The following ODF4 variants were observed in gnomAD, a reference collection of about 807,000 sequenced individuals.
ODF4 encodes outer dense fiber of sperm tails 4, also known as outer dense fiber protein 4.
Under a neutral mutation model 17.0 loss-of-function variants are expected in ODF4, and 11 were observed. That is an observed-to-expected ratio of 0.65 (90% CI 0.41 to 1.07). The LOEUF is 1.07. Ranked by LOEUF, ODF4 falls within the 50% of genes least tolerant of loss-of-function variation. The probability of loss-of-function intolerance (pLI) is 0.00; values close to 1 mark genes in which losing one functional copy is unlikely to be tolerated. For synonymous variants in ODF4, 127 were observed against 121.8 expected (o/e 1.04, Z -0.28); for missense variants, 281 against 310.2 (o/e 0.91, Z 0.71).
intron 1 of ODF4, among the ~76,000 whole-genome samples, chr17:8,342,351 T>A (rs1906055999): frequency 6.6e-6 from 1 of 152,162 alleles, no homozygotes; most frequent in Non-Finnish European, 1.5e-5. Context: ...CAAGCGATTA[T>A]CCTGCCTCAG....
chr17:8,345,228 G>A lies in ODF4; in HGVS notation c.455-115G>A, dbSNP rs1906185936. On this transcript the variant is annotated intron_variant, in intron 1 of 2. Transcript: ENST00000328248. This position sits in a 1 kb window ranked among gnomAD's most constrained non-coding sequence, Gnocchi z 4.1. The stretch of plus-strand genomic sequence containing the variant: ...GCAGGGGTTGACTCCTGGAACCTCA[G>A]GGCCAGTCACTCTGTGTGTGGTGAT... 2.0e-6 allele frequency: 2 copies of A among 999,514 alleles called. No homozygotes were observed. The highest frequency in any genetic ancestry group is 3.0e-6 in the Non-Finnish European group (2 of 668,914). 61.9% of individuals were successfully genotyped at this position (999,514 alleles called of 1,614,324 possible). A position where few individuals can be genotyped will look rare whatever the true frequency, so the allele number is the denominator to read the frequency against.
rs371221389 is a variant in ODF4, at chr17:8,345,300, G to A, written c.455-43G>A. 51 of 1,585,282 alleles carry A rather than the reference G, an allele frequency of 3.2e-5. No homozygotes were observed. Among genetic ancestry groups the A allele is most frequent in the Non-Finnish European group, 4.1e-5 (48 of 1,160,416 alleles). On this transcript the variant is annotated intron_variant, in intron 1 of 2. Transcript: ENST00000328248. This position sits in a 1 kb window ranked among gnomAD's most constrained non-coding sequence, Gnocchi z 4.1. ...GCAGATGAGGAAGAACCTCCTGTGGGACTCTTGTATGACAATGAGACCCTC... is the reference window on the plus strand; with the variant it reads ...GCAGATGAGGAAGAACCTCCTGTGGAACTCTTGTATGACAATGAGACCCTC...
At position 8,345,652 on chromosome 17, in the gene ODF4, CCCTGT is replaced by C; in HGVS notation, c.590-12_590-8del. ...CAGTCACAACTTTCCTCTCCCCTGTCCCTGTCCTTTCCCAGCGATCCTTTGCTACT... is the reference window on the plus strand; with the variant it reads ...CAGTCACAACTTTCCTCTCCCCTGTCCCTTTCCCAGCGATCCTTTGCTACT... On this transcript the variant is annotated splice_polypyrimidine_tract_variant and intron_variant, in intron 2 of 2. Transcript: ENST00000328248. The surrounding 1 kb of genome is among the most constrained non-coding windows in gnomAD (Gnocchi z 4.1). 1 of 1,612,132 alleles carries C rather than the reference CCCTGT, an allele frequency of 6.2e-7. No individual in the cohort carries two copies. The highest frequency in any genetic ancestry group is 8.5e-7 in the Non-Finnish European group (1 of 1,178,414).
chr17:8,340,522 C>T lies in ODF4; in HGVS notation c.454+17C>T, dbSNP rs770031670. The T allele has an allele frequency of 1.3e-6, 2 of 1,504,510 alleles. No homozygotes were observed. Among genetic ancestry groups the T allele is most frequent in the Non-Finnish European group, 1.8e-6 (2 of 1,087,990 alleles). 93.2% of individuals were successfully genotyped at this position (1,504,510 alleles called of 1,614,324 possible). A position where few individuals can be genotyped will look rare whatever the true frequency, so the allele number is the denominator to read the frequency against. ...ATGGGAAAGGTGAGCCCCTCCACCC[C>T]CCATCCCAGCCCAGGCCGCCAGCCT... On this transcript the variant is annotated intron_variant, in intron 1 of 2. Transcript: ENST00000328248.
intron 1 of ODF4, among the ~76,000 whole-genome samples, chr17:8,341,033 A>C (rs1905990690): frequency 6.6e-6 from 1 of 152,142 alleles, no homozygotes; most frequent in African/African-American, 2.4e-5. Context: ...TACTAAAAAT[A>C]CAAAAAATTA....
In ODF4 at chr17:8,345,955, T is replaced by C; in HGVS notation, c.*103T>C. 1 of 918,510 alleles carries C rather than the reference T, an allele frequency of 1.1e-6. No homozygotes were observed. Among genetic ancestry groups the C allele is most frequent in the Non-Finnish European group, 1.7e-6 (1 of 595,180 alleles). The allele number at this position is 918,510 out of a possible 1,614,324, so 56.9% of individuals were successfully genotyped here. ...GGTTGGTCCTCATCATTGCAAGGAATGAGAAAGGGAGGATTTTGCACTCCT... is the reference window on the plus strand; with the variant it reads ...GGTTGGTCCTCATCATTGCAAGGAACGAGAAAGGGAGGATTTTGCACTCCT... On this transcript the variant is annotated 3_prime_UTR_variant, in exon 3 of 3. Transcript: ENST00000328248. This position sits in a 1 kb window ranked among gnomAD's most constrained non-coding sequence, Gnocchi z 4.1.
intron 1 of ODF4, among the ~76,000 whole-genome samples, chr17:8,342,920 C>A (rs1906082684): frequency 6.6e-6 from 1 of 151,102 alleles, no homozygotes; most frequent in Admixed American, 6.6e-5. Context: ...TTTGTAGAGA[C>A]CAGGGTCTCC....
chr17:8,345,873 C>A lies in ODF4; in HGVS notation c.*21C>A. 1 of 1,605,708 alleles carries A rather than the reference C, an allele frequency of 6.2e-7. No homozygotes were observed. The highest frequency in any genetic ancestry group is 8.5e-7 in the Non-Finnish European group (1 of 1,173,014). On this transcript the variant is annotated 3_prime_UTR_variant, in exon 3 of 3. Transcript: ENST00000328248. The surrounding 1 kb of genome is among the most constrained non-coding windows in gnomAD (Gnocchi z 4.1). ...TGTAATCTTTTCTGAACTCCTGGCA[C>A]CAAGTTCTGTCCATTCATCTGACCC... is the stretch of plus-strand genomic sequence containing the variant.
Position 8,345,302 on chromosome 17 carries a change from C to T in ODF4, c.455-41C>T. 1 of 1,589,590 alleles carries T rather than the reference C, an allele frequency of 6.3e-7. No individual in the cohort carries two copies. Among genetic ancestry groups the T allele is most frequent in the Non-Finnish European group, 8.6e-7 (1 of 1,163,756 alleles). ...AGATGAGGAAGAACCTCCTGTGGGA[C>T]TCTTGTATGACAATGAGACCCTCTG... is the stretch of plus-strand genomic sequence containing the variant. On this transcript the variant is annotated intron_variant, in intron 1 of 2. Coordinates refer to ENST00000328248, the MANE Select transcript of ODF4 (RefSeq NM_153007.5). The surrounding 1 kb of genome is among the most constrained non-coding windows in gnomAD (Gnocchi z 4.1).
chr17:8,344,875 A>G (rs989947261), intron 1 of ODF4: 1 of 987,734 alleles, frequency 1.0e-6, no homozygotes, highest in Non-Finnish European at 1.2e-6. Context: ...TTCCCCAGGC[A>G]GTTTTAAGCT....
In ODF4 at chr17:8,340,394, C is replaced by T. The variant is rs557908400; in HGVS notation, c.343C>T (p.Arg115Cys). ...LDLSRSLFYQ[R>C]WPVDVSNRIH... ...CCTCTCTAGGAGCCTCTTCTACCAG[C>T]GCTGGCCCGTGGATGTCAGCAACAG... is the stretch of plus-strand genomic sequence containing the variant. The change falls in exon 1 of 3, where the codon CGC (arginine) becomes TGC (cysteine). Residue 115 changes from arginine (R) to cysteine (C), a missense_variant. Transcript: ENST00000328248. 1.8e-5 allele frequency: 29 copies of T among 1,613,394 alleles called. No individual in the cohort carries two copies. The East Asian group carries it at 5.1e-4, about 29-fold the overall frequency.
intron 1 of ODF4, among the ~76,000 whole-genome samples, 177 bp downstream of exon 1, chr17:8,340,682 A>T (rs1905976550): frequency 6.6e-6 from 1 of 152,124 alleles, no homozygotes; most frequent in African/African-American, 2.4e-5. Context: ...AGCCTGGCTA[A>T]ATAGATTTGA....
rs1181412306 is a variant in ODF4, at chr17:8,340,090, A to G, written c.39A>G (p.Ser13=). ...AEYSGNEFPR[S]EGERDQHQRP... ...ACTCTGGGAATGAGTTCCCCAGGTC[A>G]GAAGGAGAAAGAGACCAACATCAGA... The change falls in exon 1 of 3, where the codon TCA becomes TCG. Residue 13 remains serine, a synonymous_variant. Transcript: ENST00000328248. The G allele has an allele frequency of 6.5e-7, 1 of 1,530,610 alleles. No homozygotes were observed. The highest frequency in any genetic ancestry group is 1.4e-5 in the African/African-American group (1 of 72,218). 94.8% of individuals were successfully genotyped at this position (1,530,610 alleles called of 1,614,324 possible). A position where few individuals can be genotyped will look rare whatever the true frequency, so the allele number is the denominator to read the frequency against.
intron 1 of ODF4, among the ~76,000 whole-genome samples, chr17:8,343,318 G>T (rs1906105302): frequency 7.7e-6 from 1 of 129,334 alleles, no homozygotes; most frequent in African/African-American, 3.2e-5. Flanking sequence ...TTTTAGTAGA[G>T]ACGGGGTTTT....
intron 1 of ODF4, among the ~76,000 whole-genome samples, chr17:8,343,026 C>T (rs537513578): frequency 5.3e-5 from 8 of 152,176 alleles, no homozygotes; most frequent in African/African-American, 1.9e-4. Context: ...AGCCATTGTG[C>T]CCAGTCTATC....
In ODF4 at chr17:8,345,482, G is replaced by C; in HGVS notation, c.589+5G>C. The C allele has an allele frequency of 6.2e-7, 1 of 1,613,812 alleles. No homozygotes were observed. Among genetic ancestry groups the C allele is most frequent in the Non-Finnish European group, 8.5e-7 (1 of 1,179,778 alleles). The stretch of plus-strand genomic sequence containing the variant: ...TTATCCTATACTTCACCTGCGGTGA[G>C]TGGCCAGAGGGCCCTGGGGGAAGGA... On this transcript the variant is annotated splice_donor_5th_base_variant and intron_variant, in intron 2 of 2. Transcript: ENST00000328248. The surrounding 1 kb of genome is among the most constrained non-coding windows in gnomAD (Gnocchi z 4.1).
rs948324676 is a variant in ODF4 at position 8,343,893 on chromosome 17, G to A, written c.455-1450G>A. Among the ~76,000 whole-genome samples the A allele has an allele frequency of 2.5e-5, 3 of 119,396 alleles. 1 individual carries two copies. Among genetic ancestry groups the A allele is most frequent in the African/African-American group, 7.2e-5 (2 of 27,612 alleles). The allele number at this position is 119,396 out of a possible 152,430, so 78.3% of individuals were successfully genotyped here. A position where few individuals can be genotyped will look rare whatever the true frequency, so the allele number is the denominator to read the frequency against. On this transcript the variant is annotated intron_variant, in intron 1 of 2. Transcript: ENST00000328248. Reference sequence around the variant, plus strand: ...CAACCTCAGCTTCCTGGGATCAAGCGATTCTCTTGTCTCAGCTTCCCAGCA... The same window carrying A: ...CAACCTCAGCTTCCTGGGATCAAGCAATTCTCTTGTCTCAGCTTCCCAGCA...
chr17:8,345,169 T>G lies in ODF4; in HGVS notation c.455-174T>G. On this transcript the variant is annotated intron_variant, in intron 1 of 2. Transcript: ENST00000328248. The surrounding 1 kb of genome is among the most constrained non-coding windows in gnomAD (Gnocchi z 4.1). ...GGGAGAACAGAACCGAGAATCGAGT[T>G]ACATCATTTCTTGGTCACAGGAGAG... is the stretch of plus-strand genomic sequence containing the variant. 2 of 802,758 alleles carry G rather than the reference T, an allele frequency of 2.5e-6. No homozygotes were observed. The highest frequency in any genetic ancestry group is 3.7e-5 in the South Asian group (2 of 54,644). The allele number at this position is 802,758 out of a possible 1,614,324, so 49.7% of individuals were successfully genotyped here.
Position 8,340,155 on chromosome 17 carries a change from G to T in ODF4, c.104G>T (p.Gly35Val). 1.3e-6 allele frequency: 2 copies of T among 1,588,438 alleles called. No homozygotes were observed. The highest frequency in any genetic ancestry group is 1.7e-6 in the Non-Finnish European group (2 of 1,166,850). ...AGGAAGAGTGGGGAGGCAGGATGGG[G>T]CACAGGTGAGCTGGGACAAGATGGG... ...KERKSGEAGW[G>V]TGELGQDGRL... is the part of the protein sequence containing the mutation. The change falls in exon 1 of 3, where the codon GGC becomes GTC. Residue 35 changes from glycine (G) to valine (V), a missense_variant. Gly to Val is a moderately radical substitution (Grantham distance 109). Coordinates refer to ENST00000328248, the MANE Select transcript of ODF4 (RefSeq NM_153007.5).
Sources: allele counts gnomAD v4.1 joint callset (sites outside exome capture counted in the v4.1 genomes callset), GRCh38; gene constraint gnomAD v4.1.1; non-coding constraint Gnocchi (gnomAD v3.1); transcripts MANE v1.5; gene names NCBI Gene and HGNC (gene_info 2026-07-23, HGNC 2026-07-21).